The following MARCHF1 variants were observed in gnomAD, a reference collection of about 807,000 sequenced individuals.
The protein encoded by MARCHF1 is E3 ubiquitin-protein ligase MARCHF1.
A neutral mutation model predicts 54.2 loss-of-function variants in MARCHF1; 40 were observed. The ratio of observed to expected loss-of-function variants is 0.74; its 90% CI spans 0.57 to 0.96. The LOEUF is 0.96. Ranked by LOEUF, MARCHF1 falls within the 40% of genes least tolerant of loss-of-function variation. The pLI is 0.00. For missense variants in MARCHF1, 586 were observed against 656.5 expected (o/e 0.89, Z 1.17); for synonymous variants, 236 against 236.3 (o/e 1.00, Z 0.01).
At chr4:164,227,851 T>C (rs1251950094) in intron 1 of MARCHF1, among the ~76,000 whole-genome samples, 1 of 152,168 alleles carries the variant, frequency 6.6e-6, no homozygotes, top group African/African-American at 2.4e-5. Context: ...GTCAATGTCA[T>C]ACATGGGGGA....
chr4:163,840,161 A>C (rs985217272), intron 4 of MARCHF1, among the ~76,000 whole-genome samples: 8 of 152,154 alleles, frequency 5.3e-5, no homozygotes, highest in African/African-American at 1.7e-4. Flanking sequence ...ATTGATACAG[A>C]AGTGAAATAA....
intron 4 of MARCHF1, among the ~76,000 whole-genome samples, chr4:163,741,343 G>T (rs555991474): frequency 6.6e-6 from 1 of 152,024 alleles, no homozygotes; most frequent in South Asian, 2.1e-4. Flanking sequence ...CCAGCACTTT[G>T]GGAGGCCGAG....
At chr4:163,717,313 A>G (rs889495129) in intron 4 of MARCHF1, among the ~76,000 whole-genome samples, 6 of 151,580 alleles carry the variant, frequency 4.0e-5, no homozygotes, top group African/African-American at 9.7e-5. Flanking sequence ...ATGTCCCTAC[A>G]AAGGACATGA....
intron 4 of MARCHF1, among the ~76,000 whole-genome samples, chr4:163,798,278 C>T (rs1301509968): frequency 6.6e-6 from 1 of 152,080 alleles, no homozygotes; most frequent in African/African-American, 2.4e-5. Context: ...AAGAAGACAA[C>T]CGTCTGCAAG....
chr4:164,101,576 C>A (rs934112110), intron 2 of MARCHF1, among the ~76,000 whole-genome samples: 4 of 130,230 alleles, frequency 3.1e-5, no homozygotes, highest in African/African-American at 5.6e-5. Flanking sequence ...GGAAAACTAA[C>A]AAACAGAAAG....
At position 164,020,294 on chromosome 4, in the gene MARCHF1, A is replaced by G. The variant is rs188332820; in HGVS notation, c.-247-31585T>C. 1.4e-3 allele frequency among the ~76,000 whole-genome samples: 216 copies of G among 152,290 alleles called. 1 individual carries two copies. The highest frequency in any genetic ancestry group is 2.6e-3 in the Non-Finnish European group (178 of 68,024). ...TTTTGGGAAATGATCTAGTGATGTT[A>G]TACCAAGAAAAAGGAATTATGACAT... On this transcript the variant is annotated intron_variant, in intron 2 of 9. Coordinates refer to ENST00000514618, the MANE Select transcript of MARCHF1 (RefSeq NM_001394959.1).
chr4:164,120,420 G>C (rs958653804), intron 1 of MARCHF1, among the ~76,000 whole-genome samples: 1 of 151,970 alleles, frequency 6.6e-6, no homozygotes, highest in South Asian at 2.1e-4. Context: ...TGCACTGACC[G>C]GATCTTCCAG....
At chr4:163,619,510 T>C in intron 5 of MARCHF1, among the ~76,000 whole-genome samples, 1 of 152,172 alleles carries the variant, frequency 6.6e-6, no homozygotes, top group Non-Finnish European at 1.5e-5. Flanking sequence ...ACCAGACATC[T>C]AAATGTAGTA....
At chr4:163,903,693 G>A (rs550266924) in intron 3 of MARCHF1, among the ~76,000 whole-genome samples, 29 of 151,606 alleles carry the variant, frequency 1.9e-4, no homozygotes, top group Non-Finnish European at 3.2e-4. Flanking sequence ...TCACTGCAAC[G>A]TCTGCATCCC....
intron 1 of MARCHF1, among the ~76,000 whole-genome samples, chr4:164,151,038 C>T (rs540802752): frequency 1.6e-4 from 25 of 152,206 alleles, no homozygotes; most frequent in African/African-American, 4.6e-4. Flanking sequence ...CAGTCAAGGA[C>T]CTTTCAAAAC....
chr4:163,880,927 A>C (rs889718805), intron 3 of MARCHF1, among the ~76,000 whole-genome samples: 1 of 152,198 alleles, frequency 6.6e-6, no homozygotes, highest in Non-Finnish European at 1.5e-5. Flanking sequence ...GTTCATACCC[A>C]TGTCAGTTGA....
intron 5 of MARCHF1, among the ~76,000 whole-genome samples, chr4:163,659,771 T>C (rs577681047): frequency 6.6e-6 from 1 of 151,852 alleles, no homozygotes; most frequent in African/African-American, 2.4e-5. Context: ...AAAGAAGACA[T>C]TTATGCAGCC....
intron 2 of MARCHF1, among the ~76,000 whole-genome samples, chr4:164,018,601 G>T (rs575188467): frequency 3.7e-4 from 56 of 151,972 alleles, no homozygotes; most frequent in African/African-American, 1.3e-3. Flanking sequence ...TAAATAATCT[G>T]GGAAATGCAA....
At chr4:163,694,468 T>C (rs1169029074) in intron 5 of MARCHF1, among the ~76,000 whole-genome samples, 2 of 152,158 alleles carry the variant, frequency 1.3e-5, no homozygotes, top group Non-Finnish European at 2.9e-5. Context: ...CCTTGCTCCC[T>C]TGCCTCAAGA....
At chr4:163,772,700 A>T (rs531169586) in intron 4 of MARCHF1, among the ~76,000 whole-genome samples, 4 of 152,102 alleles carry the variant, frequency 2.6e-5, no homozygotes, top group Non-Finnish European at 5.9e-5. Flanking sequence ...ATCTGCCACT[A>T]GCCAAAGAAA....
intron 5 of MARCHF1, among the ~76,000 whole-genome samples, chr4:163,623,760 CT>C (rs1243943548): frequency 3.3e-5 from 5 of 152,162 alleles, no homozygotes; most frequent in Non-Finnish European, 7.3e-5. Flanking sequence ...CTTAAATTAA[CT>C]TTTTTTCTGC....
chr4:164,141,219 C>T (rs76605153), intron 1 of MARCHF1, among the ~76,000 whole-genome samples: 29,127 of 152,040 alleles, frequency 0.19, 4,487 homozygotes, highest in African/African-American at 0.41. Flanking sequence ...ACTACTGATA[C>T]TTTCTAAGGA....
intron 7 of MARCHF1, among the ~76,000 whole-genome samples, chr4:163,600,596 A>AT (rs1740932086): frequency 6.6e-6 from 1 of 151,948 alleles, no homozygotes; most frequent in Non-Finnish European, 1.5e-5. Context: ...GGTTATGATT[A>AT]TTTTTTCCTT....
intron 1 of MARCHF1, among the ~76,000 whole-genome samples, chr4:164,286,893 CAG>C: frequency 6.7e-6 from 1 of 149,594 alleles, no homozygotes; most frequent in South Asian, 2.1e-4. Flanking sequence ...GGGGAGCAAA[CAG>C]AAATGTTACA....
Sources: gnomAD v4.1 joint callset for allele counts (sites outside exome capture counted in the v4.1 genomes callset) on GRCh38, gnomAD v4.1.1 for gene constraint, MANE v1.5 for transcripts, NCBI Gene and HGNC (gene_info 2026-07-23, HGNC 2026-07-21) for gene names.